Variants in DDAH1 observed in about 807,000 individuals in gnomAD.
DDAH1 encodes N(G),N(G)-dimethylarginine dimethylaminohydrolase 1.
Under a neutral mutation model 28.8 loss-of-function variants are expected in DDAH1, and 19 were observed. The observed-to-expected ratio is 0.66, with a 90% CI of 0.46 to 0.97. The LOEUF is 0.97. DDAH1 is among the 50% of genes least tolerant of loss of function. DDAH1 has a pLI of 0.00. For missense variants in DDAH1, 326 were observed against 375.9 expected, an observed-to-expected ratio of 0.87 and a Z score of 1.10; for synonymous variants, 153 against 154.4, an observed-to-expected ratio of 0.99 and a Z score of 0.07.
rs1434841884 is a variant in DDAH1, at chr1:85,572,456, T to G, written c.-123+5528A>C. Among the ~76,000 whole-genome samples the G allele has an allele frequency of 2.0e-5, 3 of 152,218 alleles. No homozygotes were observed. The East Asian group carries it at 5.8e-4, about 29-fold the overall frequency. On this transcript the variant is annotated intron_variant, in intron 1 of 6. Transcript: ENST00000426972. ...TTTGAAACAGGTATTCTGCTCTACC[T>G]TAACAACCCTGCCCCCTTGCACCAA...
chr1:85,407,317 C>T (rs540680065), intron 1 of DDAH1, among the ~76,000 whole-genome samples: 4 of 152,256 alleles, frequency 2.6e-5, no homozygotes, highest in Admixed American at 2.0e-4. Context: ...CAACTGAGAG[C>T]GGAGCTGGCC....
At chr1:85,342,149 G>A (rs1317361463) in intron 4 of DDAH1, among the ~76,000 whole-genome samples, 1 of 152,138 alleles carries the variant, frequency 6.6e-6, no homozygotes, top group Non-Finnish European at 1.5e-5. Flanking sequence ...AGGGAGAGCT[G>A]GAGGCAGAGC....
chr1:85,338,092 AATTTAGTATCATGT>A (rs1282895538), intron 4 of DDAH1, among the ~76,000 whole-genome samples: 1 of 152,190 alleles, frequency 6.6e-6, no homozygotes, highest in East Asian at 1.9e-4. Context: ...CTTCTTGTAG[AATTTAGTATCATGT>A]ATTTAGTATC....
In DDAH1 at chr1:85,324,992, C is replaced by T. The variant is rs1280491849; in HGVS notation, c.598-109G>A. ...CTTGGAACTGACACTTTAGGCTGTT[C>T]CTCTGTTCAAATTCCCATCTATTAC... On this transcript the variant is annotated intron_variant, in intron 4 of 5. Transcript: ENST00000284031. 4 of 1,325,336 alleles carry T rather than the reference C, an allele frequency of 3.0e-6. No individual in the cohort carries two copies. The East Asian group carries it at 9.5e-5, about 32-fold the overall frequency. The allele number at this position is 1,325,336 out of a possible 1,614,324, so 82.1% of individuals were successfully genotyped here.
chr1:85,349,396 T>G (rs1483928706), intron 4 of DDAH1, among the ~76,000 whole-genome samples: 2 of 152,142 alleles, frequency 1.3e-5, no homozygotes, highest in Non-Finnish European at 2.9e-5. Flanking sequence ...CACTTGGCAC[T>G]GAGGTAGAAG....
chr1:85,516,952 T>C (rs1315854596), intron 1 of DDAH1, among the ~76,000 whole-genome samples: 1 of 152,038 alleles, frequency 6.6e-6, no homozygotes, highest in Non-Finnish European at 1.5e-5. Flanking sequence ...TGGTTAAGAG[T>C]GCAGACTGGC....
At chr1:85,563,655 T>C (rs966455883) in intron 1 of DDAH1, among the ~76,000 whole-genome samples, 1 of 152,170 alleles carries the variant, frequency 6.6e-6, no homozygotes, top group African/African-American at 2.4e-5. Context: ...CTTACTAGCA[T>C]GCAAATAAGC....
chr1:85,409,618 C>G (rs564043181), intron 1 of DDAH1, among the ~76,000 whole-genome samples: 1 of 152,220 alleles, frequency 6.6e-6, no homozygotes, highest in South Asian at 2.1e-4. Context: ...TTGCTCTACA[C>G]CGGCTTCAAC....
chr1:85,414,286 C>T (rs1196211172), intron 1 of DDAH1, among the ~76,000 whole-genome samples: 2 of 152,124 alleles, frequency 1.3e-5, no homozygotes, highest in Non-Finnish European at 2.9e-5. Context: ...TCTCCATATA[C>T]GGTGTGGGTA....
chr1:85,564,861 C>CG (rs1553149248), intron 1 of DDAH1, among the ~76,000 whole-genome samples: 2,485 of 127,892 alleles, frequency 0.019, 60 homozygotes, highest in African/African-American at 0.069. Flanking sequence ...AAGACTATGT[C>CG]AAAAAAAAAA....
chr1:85,523,084 C>A (rs1657746819), intron 1 of DDAH1, among the ~76,000 whole-genome samples: 2 of 151,376 alleles, frequency 1.3e-5, no homozygotes, highest in Non-Finnish European at 2.9e-5. Context: ...TGCAGGGATA[C>A]CAACACCTGT....
intron 1 of DDAH1, among the ~76,000 whole-genome samples, chr1:85,361,511 C>T (rs1240648721): frequency 6.6e-6 from 1 of 152,092 alleles, no homozygotes; most frequent in Non-Finnish European, 1.5e-5. Flanking sequence ...CTGAATGGGT[C>T]ATTTTAGCCC....
chr1:85,570,862 C>T (rs991602501), intron 1 of DDAH1, among the ~76,000 whole-genome samples: 3 of 151,032 alleles, frequency 2.0e-5, no homozygotes, highest in Middle Eastern at 3.4e-3. Context: ...TCTATAAAGG[C>T]GAAGTGGTGG....
At chr1:85,383,805 G>A (rs944388234) in intron 1 of DDAH1, among the ~76,000 whole-genome samples, 3 of 152,152 alleles carry the variant, frequency 2.0e-5, no homozygotes, top group African/African-American at 7.2e-5. Context: ...TAAAGGCTCA[G>A]GTGATTGTCA....
chr1:85,533,648 A>G (rs1447226232), intron 1 of DDAH1, among the ~76,000 whole-genome samples: 2 of 152,144 alleles, frequency 1.3e-5, no homozygotes, highest in African/African-American at 2.4e-5. Flanking sequence ...AGAATAAATA[A>G]TCCTGGGAGG....
chr1:85,497,636 C>T (rs1257769783), intron 1 of DDAH1, among the ~76,000 whole-genome samples: 3 of 152,074 alleles, frequency 2.0e-5, no homozygotes, highest in African/African-American at 7.2e-5. Context: ...AACTGAGATA[C>T]ACATGATTGC....
At chr1:85,384,927 A>G (rs942629994) in intron 1 of DDAH1, among the ~76,000 whole-genome samples, 1 of 152,230 alleles carries the variant, frequency 6.6e-6, no homozygotes, top group Non-Finnish European at 1.5e-5. Flanking sequence ...TTAAAATGCT[A>G]AGCTCTGATA....
chr1:85,531,473 G>C (rs1404532482), intron 1 of DDAH1, among the ~76,000 whole-genome samples: 6 of 152,156 alleles, frequency 3.9e-5, no homozygotes, highest in Non-Finnish European at 8.8e-5. Flanking sequence ...ATAATAGTGG[G>C]GATAATTTGG....
intron 1 of DDAH1, among the ~76,000 whole-genome samples, chr1:85,430,463 G>T (rs1188725996): frequency 1.3e-5 from 2 of 152,156 alleles, no homozygotes; most frequent in Admixed American, 1.3e-4. Flanking sequence ...GATGTGGATA[G>T]CATTGAATCT....
Sources: gnomAD v4.1 joint callset for allele counts (sites outside exome capture counted in the v4.1 genomes callset) on GRCh38, gnomAD v4.1.1 for gene constraint, MANE v1.5 for transcripts, NCBI Gene and HGNC (gene_info 2026-07-23, HGNC 2026-07-21) for gene names.